The following DLC1 variants were observed in gnomAD, a reference collection of about 807,000 sequenced individuals.
DLC1 encodes the protein DLC1 Rho GTPase activating protein.
A neutral mutation model predicts 140.3 loss-of-function variants in DLC1; 54 were observed. That is an observed-to-expected ratio of 0.38 (90% CI 0.31 to 0.48). DLC1 has a LOEUF of 0.48. Among genes scored for constraint, DLC1 ranks in the 20% least tolerant of loss-of-function variants. The pLI is 0.96. For synonymous variants in DLC1, 986 were observed against 728.1 expected (o/e 1.35, Z -5.70); for missense variants, 2,536 against 1,907.0 (o/e 1.33, Z -6.14).
chr8:13,312,787 C>G (rs772472981), intron 4 of DLC1, among the ~76,000 whole-genome samples: 7 of 152,094 alleles, frequency 4.6e-5, no homozygotes, highest in Admixed American at 2.6e-4. Context: ...GTGGTAGCCA[C>G]TTAGAAATAC....
chr8:13,169,679 A>C (rs947839695), intron 5 of DLC1, among the ~76,000 whole-genome samples: 1 of 152,134 alleles, frequency 6.6e-6, no homozygotes, highest in Non-Finnish European at 1.5e-5. Flanking sequence ...TTGTTTTTTA[A>C]AAAGTCTGCA....
At chr8:13,248,611 C>A (rs901164034) in intron 5 of DLC1, among the ~76,000 whole-genome samples, 14 of 152,170 alleles carry the variant, frequency 9.2e-5, no homozygotes, top group Admixed American at 8.5e-4. Context: ...CATGGTGTAA[C>A]CCTGCAATTC....
intron 4 of DLC1, among the ~76,000 whole-genome samples, chr8:13,374,490 G>A (rs914428583): frequency 6.6e-6 from 1 of 152,114 alleles, no homozygotes. Flanking sequence ...TCTTTTGTAA[G>A]AATGTCACCC....
In DLC1 at chr8:13,159,650, A is replaced by T. The variant is rs563427571; in HGVS notation, c.1349-43993T>A. On this transcript the variant is annotated intron_variant, in intron 5 of 17. Transcript: ENST00000276297. ...ATAACTTTCCTGGGTGAGCTGGCAC[A>T]GGTACTACAGAACAGAGCCCACACA... Among the ~76,000 whole-genome samples the T allele has an allele frequency of 5.3e-5, 8 of 152,218 alleles. No individual in the cohort carries two copies. The South Asian group carries it at 1.4e-3, about 28-fold the overall frequency.
chr8:13,486,240 G>C (rs1800962902), intron 2 of DLC1, among the ~76,000 whole-genome samples: 1 of 152,006 alleles, frequency 6.6e-6, no homozygotes, highest in African/African-American at 2.4e-5. Context: ...GAGAAACGTA[G>C]AAAAAACAAA....
intron 4 of DLC1, among the ~76,000 whole-genome samples, chr8:13,334,911 T>C (rs74451269): frequency 0.065 from 9,875 of 152,304 alleles, 446 homozygotes; most frequent in South Asian, 0.094. Flanking sequence ...TTTATGCCTC[T>C]TAACTTTATC....
chr8:13,254,491 C>A (rs1233392604), intron 5 of DLC1, among the ~76,000 whole-genome samples: 4 of 152,174 alleles, frequency 2.6e-5, no homozygotes, highest in African/African-American at 9.7e-5. Flanking sequence ...CACTTTTGAT[C>A]ATTATATTGC....
rs777133419 is a variant in DLC1 at position 13,305,302 on chromosome 8, C to G, written c.1315G>C (p.Ala439Pro). The stretch of plus-strand genomic sequence containing the variant: ...TCCTTCTCTGAAATACCTTGAATAG[C>G]CTGAAAAAAAAGACACAAAAATTGT... ...ANSGTKPKTT[A>P]IQGISEKEKA... is the part of the protein sequence containing the mutation. Residue 439 changes from alanine (A) to proline (P), a missense_variant and splice_region_variant, in exon 5 of 18, where the codon GCT becomes CCT. By Grantham distance (27) the Ala-to-Pro change is conservative. Transcript: ENST00000276297. The G allele has an allele frequency of 1.3e-6, 2 of 1,592,792 alleles. No individual in the cohort carries two copies. The highest frequency in any genetic ancestry group is 8.5e-7 in the Non-Finnish European group (1 of 1,171,252).
chr8:13,203,798 G>A (rs924437390), intron 5 of DLC1, among the ~76,000 whole-genome samples: 9 of 152,170 alleles, frequency 5.9e-5, no homozygotes, highest in African/African-American at 2.2e-4. Flanking sequence ...AACCTTTTGG[G>A]AAACAGAACA....
intron 5 of DLC1, among the ~76,000 whole-genome samples, chr8:13,149,758 A>C (rs1823677655): frequency 6.6e-6 from 1 of 152,252 alleles, no homozygotes; most frequent in Admixed American, 6.5e-5. Flanking sequence ...AGAATGAGCT[A>C]TAAACAAACT....
At chr8:13,562,266 A>C (rs532332377) in intron 1 of DLC1, among the ~76,000 whole-genome samples, 166 of 152,324 alleles carry the variant, frequency 1.1e-3, no homozygotes, top group Non-Finnish European at 2.1e-3. Context: ...TTTACATGGC[A>C]AAACACAGCA....
At chr8:13,391,578 A>C (rs1836762746) in intron 4 of DLC1, among the ~76,000 whole-genome samples, 1 of 152,208 alleles carries the variant, frequency 6.6e-6, no homozygotes, top group Non-Finnish European at 1.5e-5. Flanking sequence ...TGATGAGTTT[A>C]TGTTTCTCAT....
At chr8:13,564,792 T>G (rs1804370072) in intron 1 of DLC1, among the ~76,000 whole-genome samples, 1 of 152,148 alleles carries the variant, frequency 6.6e-6, no homozygotes, top group Non-Finnish European at 1.5e-5. Context: ...TGCTCTCTGA[T>G]AGGAACTAGG....
chr8:13,433,492 G>A (rs896926120), intron 2 of DLC1, among the ~76,000 whole-genome samples: 1 of 152,160 alleles, frequency 6.6e-6, no homozygotes, highest in African/African-American at 2.4e-5. Context: ...AACCAAGTTG[G>A]CTTTTCCAAT....
intron 5 of DLC1, among the ~76,000 whole-genome samples, chr8:13,289,415 C>T (rs1831670774): frequency 6.6e-6 from 1 of 152,110 alleles, no homozygotes; most frequent in South Asian, 2.1e-4. Context: ...AGGTATAAAA[C>T]TCATGGCCTC....
At chr8:13,556,105 C>T (rs1251122872) in intron 1 of DLC1, among the ~76,000 whole-genome samples, 2 of 152,098 alleles carry the variant, frequency 1.3e-5, no homozygotes, top group African/African-American at 4.8e-5. Flanking sequence ...TAGGGCAGTG[C>T]TTCTCACACC....
intron 4 of DLC1, among the ~76,000 whole-genome samples, chr8:13,363,285 C>T (rs58807948): frequency 6.6e-6 from 1 of 151,610 alleles, no homozygotes; most frequent in Non-Finnish European, 1.5e-5. Context: ...TGCTTTCTGT[C>T]TGTTTCTGCA....
chr8:13,232,296 C>G (rs980271107), intron 5 of DLC1, among the ~76,000 whole-genome samples: 2 of 152,044 alleles, frequency 1.3e-5, no homozygotes, highest in Non-Finnish European at 2.9e-5. Flanking sequence ...AATATTGAAG[C>G]ATTTTGACTT....
chr8:13,499,532 C>T lies in DLC1; in HGVS notation c.540G>A (p.Glu180=). The T allele has an allele frequency of 2.5e-6, 4 of 1,614,160 alleles. No homozygotes were observed. Among genetic ancestry groups the T allele is most frequent in the South Asian group, 1.1e-5 (1 of 91,084 alleles). ...TELALVKESG[E]RKVTDSISKS... ...TACTTATAGAGTCAGTAACTTTTCT[C>T]TCCCCACTTTCTTTTACCAGTGCTA... The change falls in exon 2 of 18, where the codon GAG becomes GAA. Residue 180 remains glutamate (E), a synonymous_variant. Transcript: ENST00000276297.
Sources: allele counts gnomAD v4.1 joint callset (sites outside exome capture counted in the v4.1 genomes callset), GRCh38; gene constraint gnomAD v4.1.1; transcripts MANE v1.5; gene names NCBI Gene and HGNC (gene_info 2026-07-23, HGNC 2026-07-21).